Variants in LENG8 observed in about 807,000 individuals in gnomAD.
LENG8 encodes leukocyte receptor cluster (LRC) member 8.
A neutral mutation model predicts 102.1 loss-of-function variants in LENG8; 28 were observed. The ratio of observed to expected loss-of-function variants is 0.27; its 90% confidence interval spans 0.20 to 0.38. The LOEUF (loss-of-function observed/expected upper bound fraction) is 0.38. LENG8 is among the 10% of genes least tolerant of loss of function. LENG8 has a pLI of 1.00. For synonymous variants in LENG8, 531 were observed against 456.7 expected (o/e 1.16, Z -2.07); for missense variants, 1,022 against 1,113.9 (o/e 0.92, Z 1.17).
chr19:54,458,441 T>C lies in LENG8; in HGVS notation c.2160T>C (p.His720=), dbSNP rs773478025. The part of the protein sequence containing the change: ...NYHRFFRLYC[H]APCMSGYLVD... Reference sequence around the variant, plus strand: ...ACCGCTTTTTCCGGCTCTACTGCCATGCACCCTGCATGTCTGGCTACCTCG... The same window carrying C: ...ACCGCTTTTTCCGGCTCTACTGCCACGCACCCTGCATGTCTGGCTACCTCG... The change falls in exon 15 of 16, where the codon CAT becomes CAC. Residue 720 remains histidine, a synonymous_variant. Coordinates refer to ENST00000326764, the MANE Select transcript of LENG8 (RefSeq NM_052925.4). 26 of 1,614,282 alleles carry C rather than the reference T, an allele frequency of 1.6e-5. No individual in the cohort carries two copies. The highest frequency in any genetic ancestry group is 2.0e-5 in the Non-Finnish European group (24 of 1,180,050).
At chr19:54,459,231 G>A in intron 15 of LENG8, 1 of 1,066,796 alleles carries the variant, frequency 9.4e-7, no homozygotes, top group Non-Finnish European at 1.1e-6. Context: ...TCTAGTGAGT[G>A]GAGGCCAGGG....
At position 54,461,532 on chromosome 19, in the gene LENG8, T is replaced by C. The variant is rs953670338; in HGVS notation, c.*604T>C. On this transcript the variant is annotated 3_prime_UTR_variant, in exon 16 of 16. Transcript: ENST00000326764. ...CAGATCCTCCGCCGCCACACCGCAC[T>C]GAGGACACGCCGGCCGGGCCGCCTC... 15 of 471,366 alleles carry C rather than the reference T, an allele frequency of 3.2e-5. No individual in the cohort carries two copies. Among genetic ancestry groups the C allele is most frequent in the Admixed American group, 2.3e-4 (10 of 42,566 alleles). 29.2% of individuals were successfully genotyped at this position (471,366 alleles called of 1,614,324 possible).
rs1356343704 is a variant in LENG8, at chr19:54,456,255, C to G, written c.1304+10C>G. The G allele has an allele frequency of 6.2e-7, 1 of 1,613,892 alleles. No individual in the cohort carries two copies. The highest frequency in any genetic ancestry group is 1.7e-5 in the Admixed American group (1 of 59,986). On this transcript the variant is annotated intron_variant, in intron 9 of 15. Transcript: ENST00000326764. Reference sequence around the variant, plus strand: ...GCCACTTCCGCAGAAGGTACTGAGGCTCCCGGCTGGGGCTGTGTGTGAGGG... The same window carrying G: ...GCCACTTCCGCAGAAGGTACTGAGGGTCCCGGCTGGGGCTGTGTGTGAGGG...
Position 54,461,841 on chromosome 19 carries a change from T to A in LENG8, c.*913T>A. On this transcript the variant is annotated 3_prime_UTR_variant, in exon 16 of 16. Transcript: ENST00000326764. Reference sequence around the variant, plus strand: ...CCTCTTCTGCCATGTAACTGGAGGATGTGCTATGAGTTTGCAAACAGCTGG... The same window carrying A: ...CCTCTTCTGCCATGTAACTGGAGGAAGTGCTATGAGTTTGCAAACAGCTGG... 4.8e-6 allele frequency: 3 copies of A among 626,718 alleles called. No individual in the cohort carries two copies. Among genetic ancestry groups the A allele is most frequent in the Non-Finnish European group, 9.2e-6 (3 of 327,360 alleles). The allele number at this position is 626,718 out of a possible 1,614,324, so 38.8% of individuals were successfully genotyped here.
intron 4 of LENG8, among the ~76,000 whole-genome samples, chr19:54,453,197 A>T (rs2084043345): frequency 6.6e-6 from 1 of 152,092 alleles, no homozygotes; most frequent in Admixed American, 6.5e-5. Flanking sequence ...TTATTGTTTC[A>T]TGATCCTTAT....
rs988840770 is a variant in LENG8, at chr19:54,460,041, A to T, written c.2241-725A>T. 5 of 1,285,004 alleles carry T rather than the reference A, an allele frequency of 3.9e-6. No individual in the cohort carries two copies. In the South Asian group the frequency reaches 6.2e-5, roughly 16 times the overall value. The allele number at this position is 1,285,004 out of a possible 1,614,324, so 79.6% of individuals were successfully genotyped here. ...CTGTCATTGACCTCATTGTGTCAGC[A>T]CCTTCCCCCCAAGGAGGCTGACCCT... On this transcript the variant is annotated intron_variant, in intron 15 of 15. Coordinates refer to ENST00000326764, the MANE Select transcript of LENG8 (RefSeq NM_052925.4).
chr19:54,460,425 C>T (rs906879308), intron 15 of LENG8: 8 of 1,254,910 alleles, frequency 6.4e-6, no homozygotes, highest in East Asian at 4.2e-5. Context: ...CTGGCAGCCC[C>T]GCCATCCCCA....
intron 2 of LENG8, 178 bp from the exon 3 acceptor site, chr19:54,451,915 C>A: frequency 1.8e-6 from 1 of 564,024 alleles, no homozygotes; most frequent in Non-Finnish European, 3.1e-6. Flanking sequence ...TCATTTATCC[C>A]TCCCAGCAGA....
chr19:54,457,485 C>T (rs1055007955), intron 11 of LENG8, among the ~76,000 whole-genome samples: 13 of 152,170 alleles, frequency 8.5e-5, no homozygotes, highest in East Asian at 1.9e-4. Context: ...GGATTACAGG[C>T]GTCTGCCACT....
rs2084236126 is a variant in LENG8 at position 54,456,236 on chromosome 19, T to C, written c.1295T>C (p.Phe432Ser). 5 of 1,613,530 alleles carry C rather than the reference T, an allele frequency of 3.1e-6. No individual in the cohort carries two copies. The highest frequency in any genetic ancestry group is 4.2e-6 in the Non-Finnish European group (5 of 1,179,708). The change falls in exon 9 of 16, where the codon TTC becomes TCC. Residue 432 changes from phenylalanine to serine, a missense_variant. Coordinates refer to ENST00000326764, the MANE Select transcript of LENG8 (RefSeq NM_052925.4). ...TCCTCCAGGTCCCCGACGCGCCACT[T>C]CCGCAGAAGGTACTGAGGCTCCCGG... Reference protein sequence around the residue: ...RSSSRSPTRHFRRSDSHSDSD... With the variant: ...RSSSRSPTRHSRRSDSHSDSD...
rs755096812 is a variant in LENG8, at chr19:54,456,311, GCTT to G, written c.1305-9_1305-7del. On this transcript the variant is annotated splice_polypyrimidine_tract_variant and intron_variant, in intron 9 of 15. Transcript: ENST00000326764. ...GAGGCGTTTCAGGCCTGACCCTCCT[GCTT>G]CTTCCTGCAGTGACTCCCACTCAGA... is the stretch of plus-strand genomic sequence containing the variant. 10 of 1,613,988 alleles carry G rather than the reference GCTT, an allele frequency of 6.2e-6. No homozygotes were observed. Among genetic ancestry groups the G allele is most frequent in the East Asian group, 2.2e-5 (1 of 44,892 alleles).
At position 54,461,376 on chromosome 19, in the gene LENG8, G is replaced by A. The variant is rs367996635; in HGVS notation, c.*448G>A. 1.5e-5 allele frequency: 7 copies of A among 458,232 alleles called. No homozygotes were observed. Among genetic ancestry groups the A allele is most frequent in the Admixed American group, 4.7e-5 (2 of 42,394 alleles). The allele number at this position is 458,232 out of a possible 1,614,324, so 28.4% of individuals were successfully genotyped here. A position where few individuals can be genotyped will look rare whatever the true frequency, so the allele number is the denominator to read the frequency against. ...CACCCAGCAAGCCCGCCCACCGCCC[G>A]CTGCCTCACCTGCTTCGCCACAGAC... is the stretch of plus-strand genomic sequence containing the variant. On this transcript the variant is annotated 3_prime_UTR_variant, in exon 16 of 16. Coordinates refer to ENST00000326764, the MANE Select transcript of LENG8 (RefSeq NM_052925.4).
intron 4 of LENG8, 71 bp from the exon 5 acceptor site, chr19:54,453,475 G>T: frequency 1.0e-6 from 1 of 973,188 alleles, no homozygotes. Context: ...GGCTGGTGTA[G>T]TTCCTGAGCA....
Position 54,457,728 on chromosome 19 carries a change from A to G in LENG8, c.1732-19A>G, listed in dbSNP as rs2084325900. 5 of 1,581,530 alleles carry G rather than the reference A, an allele frequency of 3.2e-6. No homozygotes were observed. The highest frequency in any genetic ancestry group is 4.3e-6 in the Non-Finnish European group (5 of 1,150,450). On this transcript the variant is annotated intron_variant, in intron 11 of 15. Coordinates refer to ENST00000326764, the MANE Select transcript of LENG8 (RefSeq NM_052925.4). ...TACCTGAGTTGTACTCCGAGTGTGA[A>G]TTCAGTTCCCTTTTTCAGGTTTTGA...
chr19:54,461,838 G>T lies in LENG8; in HGVS notation c.*910G>T. ...CTCCCTCTTCTGCCATGTAACTGGAGGATGTGCTATGAGTTTGCAAACAGC... is the reference window on the plus strand; with the variant it reads ...CTCCCTCTTCTGCCATGTAACTGGATGATGTGCTATGAGTTTGCAAACAGC... On this transcript the variant is annotated 3_prime_UTR_variant, in exon 16 of 16. Transcript: ENST00000326764. 1.6e-6 allele frequency: 1 copy of T among 627,370 alleles called. No individual in the cohort carries two copies. Among genetic ancestry groups the T allele is most frequent in the Non-Finnish European group, 3.1e-6 (1 of 327,632 alleles). 38.9% of individuals were successfully genotyped at this position (627,370 alleles called of 1,614,324 possible).
Position 54,461,236 on chromosome 19 carries a change from C to A in LENG8, c.*308C>A. 1 of 590,674 alleles carries A rather than the reference C, an allele frequency of 1.7e-6. No individual in the cohort carries two copies. The highest frequency in any genetic ancestry group is 3.2e-6 in the Non-Finnish European group (1 of 314,026). 36.6% of individuals were successfully genotyped at this position (590,674 alleles called of 1,614,324 possible). A position where few individuals can be genotyped will look rare whatever the true frequency, so the allele number is the denominator to read the frequency against. ...CTAATGCTGTCTCAGTGTTTTCTCT[C>A]TCTCTCTTTCGAGCTTGCACTCCGG... On this transcript the variant is annotated 3_prime_UTR_variant, in exon 16 of 16. Coordinates refer to ENST00000326764, the MANE Select transcript of LENG8 (RefSeq NM_052925.4).
rs1052635607 is a variant in LENG8 at position 54,458,984 on chromosome 19, T to C, written c.2240+463T>C. 3 of 1,459,852 alleles carry C rather than the reference T, an allele frequency of 2.1e-6. No individual in the cohort carries two copies. In the African/African-American group the frequency reaches 4.3e-5, roughly 21 times the overall value. The allele number at this position is 1,459,852 out of a possible 1,614,324, so 90.4% of individuals were successfully genotyped here. On this transcript the variant is annotated intron_variant, in intron 15 of 15. Coordinates refer to ENST00000326764, the MANE Select transcript of LENG8 (RefSeq NM_052925.4). ...CTCCTTTGAGAGCACCAGAAACGCT[T>C]AGGGAGACACCTGTGTTGAGGCCAC...
intron 15 of LENG8, chr19:54,460,470 C>T: frequency 7.6e-7 from 1 of 1,321,302 alleles, no homozygotes; most frequent in East Asian, 3.3e-5. Context: ...CATCTGGTCC[C>T]TGCCCCTCAG....
At position 54,456,071 on chromosome 19, in the gene LENG8, G is replaced by A. The variant is rs1309427449; in HGVS notation, c.1130G>A (p.Gly377Asp). The change falls in exon 9 of 16, where the codon GGT (glycine) becomes GAT (aspartate). Residue 377 changes from glycine (G) to aspartate (D), a missense_variant. Physicochemically the swap from Gly to Asp is moderately conservative, Grantham distance 94. Coordinates refer to ENST00000326764, the MANE Select transcript of LENG8 (RefSeq NM_052925.4). ...RGAGSATRGG[G>D]APSQRGTPGA... ...GCAGGCTCGGCGACAAGGGGCGGGG[G>A]TGCCCCGTCCCAGCGAGGGACGCCC... 1.2e-6 allele frequency: 2 copies of A among 1,609,352 alleles called. No individual in the cohort carries two copies. Among genetic ancestry groups the A allele is most frequent in the Non-Finnish European group, 1.7e-6 (2 of 1,177,074 alleles).
Sources: gnomAD v4.1 joint callset for allele counts (sites outside exome capture counted in the v4.1 genomes callset) on GRCh38, gnomAD v4.1.1 for gene constraint, MANE v1.5 for transcripts, NCBI Gene and HGNC (gene_info 2026-07-23, HGNC 2026-07-21) for gene names.